NPL: variants seen among roughly 807,000 people sequenced by gnomAD.
The protein encoded by NPL is N-acetylneuraminate pyruvate lyase, also known as N-acetylneuraminate lyase.
In NPL, 32 loss-of-function variants were observed where a neutral mutation model predicts 41.1. That is an observed-to-expected ratio of 0.78 (90% confidence interval 0.59 to 1.05). The LOEUF is 1.05. Ranked by LOEUF, NPL falls within the 50% of genes least tolerant of loss-of-function variation. NPL has a pLI of 0.00. For synonymous variants in NPL, 128 were observed against 134.9 expected (o/e 0.95, Z 0.35); for missense variants, 321 against 378.4 (o/e 0.85, Z 1.26).
In NPL at chr1:182,830,284, T is replaced by G. The variant is rs544946283; in HGVS notation, c.*1376T>G. ...AAGAAGAAAATGAGTTGTTCGTTTT[T>G]GGTTCTGAGGATGTGATATCCGTAC... is the stretch of plus-strand genomic sequence containing the variant. On this transcript the variant is annotated 3_prime_UTR_variant, in exon 13 of 13. Coordinates refer to ENST00000367553, the MANE Select transcript of NPL (RefSeq NM_030769.3). 181 of 152,366 alleles carry G rather than the reference T, an allele frequency of 1.2e-3. 1 individual carries two copies. The highest frequency in any genetic ancestry group is 3.5e-3 in the African/African-American group (146 of 41,582). 9.4% of individuals were successfully genotyped at this position (152,366 alleles called of 1,614,324 possible).
At chr1:182,824,487 A>G (rs2102568620) in intron 11 of NPL, among the ~76,000 whole-genome samples, 1 of 152,318 alleles carries the variant, frequency 6.6e-6, no homozygotes, top group South Asian at 2.1e-4. Context: ...TTGAAAATGC[A>G]TCTCTTAATA....
At chr1:182,824,010 C>T (rs1277637372) in intron 11 of NPL, among the ~76,000 whole-genome samples, 1 of 152,212 alleles carries the variant, frequency 6.6e-6, no homozygotes, top group East Asian at 1.9e-4. Context: ...TCTTAAAGAG[C>T]TTGTAGTCAA....
intron 10 of NPL, 122 bp downstream of exon 10, chr1:182,818,981 T>C (rs1339859545): frequency 1.1e-6 from 1 of 886,666 alleles, no homozygotes; most frequent in Non-Finnish European, 1.9e-6. Flanking sequence ...TTTTCCACAT[T>C]CTTCCAGTGA....
rs1007937932 is a variant in NPL, at chr1:182,829,534, G to A, written c.*626G>A. 2.3e-5 allele frequency: 35 copies of A among 1,515,178 alleles called. No individual in the cohort carries two copies. The highest frequency in any genetic ancestry group is 1.0e-4 in the Admixed American group (5 of 49,796). The allele number at this position is 1,515,178 out of a possible 1,614,324, so 93.9% of individuals were successfully genotyped here. A position where few individuals can be genotyped will look rare whatever the true frequency, so the allele number is the denominator to read the frequency against. ...CAGTTCCTATAACTAAGTAAAGGGC[G>A]GCTTTCTCATAACAAAGGAAAAAGT... On this transcript the variant is annotated 3_prime_UTR_variant, in exon 13 of 13. Transcript: ENST00000367553.
At chr1:182,821,102 T>G (rs1278792102) in intron 10 of NPL, among the ~76,000 whole-genome samples, 1 of 152,216 alleles carries the variant, frequency 6.6e-6, no homozygotes, top group Non-Finnish European at 1.5e-5. Context: ...GACATTGTTC[T>G]TCCTTGCTCT....
At chr1:182,793,823 C>T (rs569018109) in intron 2 of NPL, among the ~76,000 whole-genome samples, 1 of 152,256 alleles carries the variant, frequency 6.6e-6, no homozygotes, top group Admixed American at 6.5e-5. Context: ...CCTTGAATTA[C>T]GTTGATTTGA....
At chr1:182,811,488 C>G (rs1010847030) in intron 5 of NPL, among the ~76,000 whole-genome samples, 1 of 152,128 alleles carries the variant, frequency 6.6e-6, no homozygotes, top group Non-Finnish European at 1.5e-5. Flanking sequence ...CTCAGCCTCC[C>G]AAACTGCTGG....
chr1:182,822,335 T>C (rs970459092), intron 11 of NPL, 136 bp downstream of exon 11: 13 of 710,054 alleles, frequency 1.8e-5, no homozygotes, highest in South Asian at 3.1e-5. Flanking sequence ...TTCTGTTTTG[T>C]ACTTTTTCTT....
Position 182,806,169 on chromosome 1 carries a change from T to C in NPL, c.167T>C (p.Leu56Pro). 1 of 1,614,244 alleles carries C rather than the reference T, an allele frequency of 6.2e-7. No individual in the cohort carries two copies. Among genetic ancestry groups the C allele is most frequent in the Admixed American group, 1.7e-5 (1 of 60,032 alleles). ...GTGAATGGCACAACAGGAGAAGGCCTGTCCCTGAGCGTCTCAGAGCGTCGC... is the reference window on the plus strand; with the variant it reads ...GTGAATGGCACAACAGGAGAAGGCCCGTCCCTGAGCGTCTCAGAGCGTCGC... ...IFVNGTTGEG[L>P]SLSVSERRQV... Residue 56 changes from leucine (L) to proline (P), a missense_variant, in exon 5 of 13, where the codon CTG becomes CCG. Physicochemically the swap from Leu to Pro is moderately conservative, Grantham distance 98. Coordinates refer to ENST00000367553, the MANE Select transcript of NPL (RefSeq NM_030769.3).
chr1:182,824,449 G>GA (rs1251924587), intron 11 of NPL, among the ~76,000 whole-genome samples: 3 of 152,066 alleles, frequency 2.0e-5, no homozygotes, highest in Non-Finnish European at 4.4e-5. Context: ...TAAGCATTTT[G>GA]AAAAATACTT....
chr1:182,801,094 A>G (rs757610797), intron 3 of NPL, among the ~76,000 whole-genome samples: 39 of 152,184 alleles, frequency 2.6e-4, no homozygotes, highest in Non-Finnish European at 1.0e-4. Context: ...AAAATACAAT[A>G]TCGTCAAAGT....
In NPL at chr1:182,829,114, T is replaced by C; in HGVS notation, c.*206T>C. The C allele has an allele frequency of 7.2e-7, 1 of 1,391,726 alleles. No individual in the cohort carries two copies. Among genetic ancestry groups the C allele is most frequent in the Non-Finnish European group, 9.3e-7 (1 of 1,078,424 alleles). 86.2% of individuals were successfully genotyped at this position (1,391,726 alleles called of 1,614,324 possible). ...CTCTAGGAGTCACAACTCTCAGTCA[T>C]TCATTTCACAGATTTTTTTGTGGAG... On this transcript the variant is annotated 3_prime_UTR_variant, in exon 13 of 13. Coordinates refer to ENST00000367553, the MANE Select transcript of NPL (RefSeq NM_030769.3).
chr1:182,814,736 T>C lies in NPL; in HGVS notation c.289-47T>C, dbSNP rs768985151. 1.4e-5 allele frequency: 20 copies of C among 1,467,268 alleles called. No individual in the cohort carries two copies. In the South Asian group the frequency reaches 2.3e-4, roughly 17 times the overall value. The allele number at this position is 1,467,268 out of a possible 1,614,324, so 90.9% of individuals were successfully genotyped here. On this transcript the variant is annotated intron_variant, in intron 6 of 12. Coordinates refer to ENST00000367553, the MANE Select transcript of NPL (RefSeq NM_030769.3). ...TCTTAGTATCTAAGCTATAGGTGAC[T>C]ATAGTAAATCACTTGCTCCAATATG...
At chr1:182,804,771 T>G (rs751770185) in intron 4 of NPL, among the ~76,000 whole-genome samples, 2 of 152,054 alleles carry the variant, frequency 1.3e-5, no homozygotes, top group Admixed American at 6.5e-5. Context: ...CAGAGCAGAT[T>G]AAAACTTGTG....
intron 5 of NPL, among the ~76,000 whole-genome samples, chr1:182,808,735 G>T (rs1474131724): frequency 2.0e-5 from 3 of 152,004 alleles, no homozygotes; most frequent in Non-Finnish European, 4.4e-5. Flanking sequence ...CAGGCAGATT[G>T]CTTAAGCCCA....
chr1:182,818,396 A>G lies in NPL; in HGVS notation c.458-145A>G, dbSNP rs890299985. The G allele has an allele frequency of 1.2e-5, 11 of 937,908 alleles. No individual in the cohort carries two copies. In the Admixed American group the frequency reaches 1.9e-4, roughly 16 times the overall value. The allele number at this position is 937,908 out of a possible 1,614,324, so 58.1% of individuals were successfully genotyped here. ...ATTGGACAAGCACATAGGAGCTGCT[A>G]GTCAGGGACCAGTGATTATGCCTAG... On this transcript the variant is annotated intron_variant, in intron 8 of 12. Transcript: ENST00000367553.
chr1:182,825,699 T>A, intron 11 of NPL, 82 bp from the exon 12 acceptor site: 1 of 979,734 alleles, frequency 1.0e-6, no homozygotes, highest in Non-Finnish European at 1.6e-6. Context: ...CTTTTTAGGG[T>A]TTCTGTAATT....
chr1:182,817,533 C>T lies in NPL; in HGVS notation c.457+727C>T, dbSNP rs142425988. Reference sequence around the variant, plus strand: ...TTGGATTCAGTTCTGACACTGTCTACTGGAGTTAGCACTGGATCCCACAGG... The same window carrying T: ...TTGGATTCAGTTCTGACACTGTCTATTGGAGTTAGCACTGGATCCCACAGG... On this transcript the variant is annotated intron_variant, in intron 8 of 12. Transcript: ENST00000367553. Among the ~76,000 whole-genome samples, 227 of 152,306 alleles carry T rather than the reference C, an allele frequency of 1.5e-3. 2 individuals carry two copies. Among genetic ancestry groups the T allele is most frequent in the African/African-American group, 5.2e-3 (218 of 41,568 alleles).
intron 4 of NPL, 84 bp downstream of exon 4, chr1:182,803,855 C>T: frequency 1.0e-6 from 1 of 986,426 alleles, no homozygotes; most frequent in Non-Finnish European, 1.6e-6. Context: ...GCCAAGAGGT[C>T]ACACAGTCAT....
Sources: allele counts gnomAD v4.1 joint callset (sites outside exome capture counted in the v4.1 genomes callset), GRCh38; gene constraint gnomAD v4.1.1; transcripts MANE v1.5; gene names NCBI Gene and HGNC (gene_info 2026-07-23, HGNC 2026-07-21).